MBOAT2: variants seen among roughly 807,000 people sequenced by gnomAD.
The protein encoded by MBOAT2 is membrane-bound glycerophospholipid O-acyltransferase 2.
Under a neutral mutation model 63.4 loss-of-function variants are expected in MBOAT2, and 28 were observed. The observed-to-expected ratio is 0.44, with a 90% CI of 0.33 to 0.61. The LOEUF is 0.61. Among genes scored for constraint, MBOAT2 ranks in the 20% least tolerant of loss-of-function variants. The pLI, the probability that MBOAT2 is intolerant of heterozygous loss-of-function variation, is 0.03. For missense variants in MBOAT2, 470 were observed against 605.8 expected (o/e 0.78, Z 2.35); for synonymous variants, 211 against 215.6 (o/e 0.98, Z 0.19).
intron 4 of MBOAT2, among the ~76,000 whole-genome samples, chr2:8,905,336 C>T (rs2148583109): frequency 6.6e-6 from 1 of 151,864 alleles, no homozygotes; most frequent in Non-Finnish European, 1.5e-5. Context: ...TCCCTTGTGC[C>T]CATTAAAAAA....
chr2:8,944,569 G>A (rs1668272387), intron 2 of MBOAT2, among the ~76,000 whole-genome samples: 1 of 151,638 alleles, frequency 6.6e-6, no homozygotes, highest in African/African-American at 2.4e-5. Flanking sequence ...TTATAAACCA[G>A]TAATAGTCTC....
At chr2:8,875,903 T>C (rs143487944) in intron 7 of MBOAT2, among the ~76,000 whole-genome samples, 19 of 152,354 alleles carry the variant, frequency 1.2e-4, no homozygotes, top group African/African-American at 4.3e-4. Context: ...AGCGACATGG[T>C]AGGAAAGAGG....
chr2:8,957,122 A>C (rs762447712), intron 2 of MBOAT2, among the ~76,000 whole-genome samples: 2 of 152,216 alleles, frequency 1.3e-5, no homozygotes, highest in Non-Finnish European at 2.9e-5. Flanking sequence ...AGTTGGAGAA[A>C]GGATAAAACA....
chr2:8,968,020 T>G (rs1670127013), intron 1 of MBOAT2, among the ~76,000 whole-genome samples: 1 of 152,054 alleles, frequency 6.6e-6, no homozygotes, highest in South Asian at 2.1e-4. Flanking sequence ...AACTGAGCTC[T>G]GAAGAGAGTA....
intron 4 of MBOAT2, among the ~76,000 whole-genome samples, chr2:8,902,380 C>A (rs553306348): frequency 4.6e-5 from 7 of 152,330 alleles, no homozygotes; most frequent in African/African-American, 1.7e-4. Flanking sequence ...CTTGGTCAAG[C>A]TGACTTCAAG....
intron 3 of MBOAT2, among the ~76,000 whole-genome samples, chr2:8,913,835 G>GA (rs554058752): frequency 0.087 from 13,153 of 151,834 alleles, 631 homozygotes; most frequent in African/African-American, 0.12. Flanking sequence ...CTACCCAGAG[G>GA]AAAAAAAAGT....
At chr2:8,934,449 G>C (rs1468648696) in intron 3 of MBOAT2, among the ~76,000 whole-genome samples, 1 of 152,164 alleles carries the variant, frequency 6.6e-6, no homozygotes, top group Non-Finnish European at 1.5e-5. Context: ...CTTGGTGAAA[G>C]AGGCATCACA....
chr2:8,981,317 G>T (rs940277928), intron 1 of MBOAT2, among the ~76,000 whole-genome samples: 3 of 152,278 alleles, frequency 2.0e-5, no homozygotes, highest in South Asian at 4.1e-4. Context: ...TGGGTGAGTT[G>T]TATGGTACAT....
intron 3 of MBOAT2, among the ~76,000 whole-genome samples, chr2:8,909,004 G>T (rs548406148): frequency 1.6e-4 from 24 of 152,202 alleles, no homozygotes; most frequent in Middle Eastern, 3.4e-3. Context: ...TAAACCTGTG[G>T]TTAGTATGTG....
In MBOAT2 at chr2:8,974,428, C is replaced by T. The variant is rs532212106; in HGVS notation, c.76-15786G>A. The T allele has an allele frequency of 4.4e-5, 20 of 456,408 alleles. No individual in the cohort carries two copies. In the East Asian group the frequency reaches 9.7e-4, roughly 22 times the overall value. 28.3% of individuals were successfully genotyped at this position (456,408 alleles called of 1,614,324 possible). On this transcript the variant is annotated intron_variant, in intron 1 of 12. Transcript: ENST00000305997. ...GGAAAGACACCCGGGAATCATGTGG[C>T]GGGCAGCCTAGGAGAAATAAATAAG...
intron 1 of MBOAT2, among the ~76,000 whole-genome samples, chr2:8,988,699 T>C (rs1202046524): frequency 1.4e-4 from 22 of 152,162 alleles, no homozygotes; most frequent in Admixed American, 1.4e-3. Context: ...TTTGAGTTAT[T>C]TAGTTCCATT....
chr2:8,926,002 G>C (rs1425969720), intron 3 of MBOAT2, among the ~76,000 whole-genome samples: 2 of 152,152 alleles, frequency 1.3e-5, no homozygotes, highest in Non-Finnish European at 2.9e-5. Flanking sequence ...AGTGTAGAGA[G>C]GGTAAGTAAC....
At chr2:8,941,420 A>G (rs1668042459) in intron 3 of MBOAT2, among the ~76,000 whole-genome samples, 1 of 152,162 alleles carries the variant, frequency 6.6e-6, no homozygotes, top group African/African-American at 2.4e-5. Context: ...GCACTATCCA[A>G]TATCATTTTC....
chr2:8,859,305 A>G (rs964889827), intron 12 of MBOAT2, among the ~76,000 whole-genome samples: 2 of 152,192 alleles, frequency 1.3e-5, no homozygotes, highest in Admixed American at 6.5e-5. Context: ...GTCTGGCCTC[A>G]CCTGCTATTT....
intron 2 of MBOAT2, among the ~76,000 whole-genome samples, chr2:8,947,924 T>TA: frequency 6.6e-6 from 1 of 152,308 alleles, no homozygotes; most frequent in African/African-American, 2.4e-5. Context: ...ATACATTTCG[T>TA]AGGGCTATAG....
intron 1 of MBOAT2, among the ~76,000 whole-genome samples, chr2:8,970,391 A>G (rs1670361925): frequency 6.6e-6 from 1 of 152,250 alleles, no homozygotes; most frequent in Non-Finnish European, 1.5e-5. Context: ...GGAAATTTAT[A>G]GCACTAAATG....
At chr2:8,937,741 G>A (rs754837792) in intron 3 of MBOAT2, among the ~76,000 whole-genome samples, 48 of 152,126 alleles carry the variant, frequency 3.2e-4, no homozygotes, top group African/African-American at 1.1e-3. Context: ...CAAAGGAGTC[G>A]GTAGAGGGTG....
In MBOAT2 at chr2:8,904,313, T is replaced by A. The variant is rs549229216; in HGVS notation, c.395+4308A>T. Reference sequence around the variant, plus strand: ...ATAATACTGAAGGTTGTTTTTATTTTTTATTTTTTTTTTTTTGAGATAGGA... The same window carrying A: ...ATAATACTGAAGGTTGTTTTTATTTATTATTTTTTTTTTTTTGAGATAGGA... On this transcript the variant is annotated intron_variant, in intron 4 of 12. Coordinates refer to ENST00000305997, the MANE Select transcript of MBOAT2 (RefSeq NM_138799.4). Among the ~76,000 whole-genome samples, 996 of 135,544 alleles carry A rather than the reference T, an allele frequency of 7.3e-3. 8 individuals are homozygous for A. The highest frequency in any genetic ancestry group is 0.033 in the African/African-American group (924 of 28,002). The allele number at this position is 135,544 out of a possible 152,430, so 88.9% of individuals were successfully genotyped here.
At chr2:8,907,990 G>A (rs1290622602) in intron 4 of MBOAT2, among the ~76,000 whole-genome samples, 2 of 152,024 alleles carry the variant, frequency 1.3e-5, no homozygotes, top group Admixed American at 6.6e-5. Flanking sequence ...CTAGCCCAAA[G>A]CAGGCCTATT....
Sources: gnomAD v4.1 joint callset for allele counts (sites outside exome capture counted in the v4.1 genomes callset) on GRCh38, gnomAD v4.1.1 for gene constraint, MANE v1.5 for transcripts, NCBI Gene and HGNC (gene_info 2026-07-23, HGNC 2026-07-21) for gene names.